The following XKR7 variants were observed in gnomAD, a reference collection of about 807,000 sequenced individuals.
The protein encoded by XKR7 is XK related 7, also known as XK-related protein 7.
In XKR7, 11 loss-of-function variants were observed where a neutral mutation model predicts 42.2. That is an observed-to-expected ratio of 0.26 (90% CI 0.16 to 0.43). XKR7 has a LOEUF of 0.43. Among genes scored for constraint, XKR7 ranks in the 20% least tolerant of loss-of-function variants. XKR7 has a pLI of 1.00. For synonymous variants in XKR7, 346 were observed against 366.4 expected, an observed-to-expected ratio of 0.94 and a Z score of 0.64; for missense variants, 710 against 802.2, an observed-to-expected ratio of 0.89 and a Z score of 1.39.
chr20:31,987,359 CACAG>C (rs2064547224), intron 1 of XKR7, among the ~76,000 whole-genome samples: 2 of 149,608 alleles, frequency 1.3e-5, no homozygotes, highest in African/African-American at 2.5e-5. Flanking sequence ...GCATCCAAGA[CACAG>C]ACAGACAGAC....
rs774187036 is a variant in XKR7 at position 31,997,407 on chromosome 20, C to G, written c.1690C>G (p.Arg564Gly). 5.6e-6 allele frequency: 9 copies of G among 1,599,318 alleles called. No individual in the cohort carries two copies. The highest frequency in any genetic ancestry group is 3.3e-5 in the Admixed American group (2 of 59,996). The change falls in exon 3 of 3, where the codon CGG becomes GGG. Residue 564 changes from arginine (R) to glycine (G), a missense_variant. Arg to Gly is a moderately radical substitution (Grantham distance 125). Coordinates refer to ENST00000562532, the MANE Select transcript of XKR7 (RefSeq NM_001011718.2). ...SSPATPRLQY[R>G]SVGTSQELLE... ...ACCTGCCACGCCCCGGTTGCAGTAC[C>G]GGAGTGTGGGGACTTCCCAGGAGCT...
chr20:31,994,719 A>G (rs1256651717), intron 1 of XKR7, among the ~76,000 whole-genome samples: 1 of 152,134 alleles, frequency 6.6e-6, no homozygotes, highest in African/African-American at 2.4e-5. Flanking sequence ...AATAAAACAA[A>G]GTAAGGGTCG....
At chr20:31,983,121 A>G (rs1230019460) in intron 1 of XKR7, among the ~76,000 whole-genome samples, 1 of 152,194 alleles carries the variant, frequency 6.6e-6, no homozygotes, top group Non-Finnish European at 1.5e-5. Flanking sequence ...AGAAGTTTAC[A>G]AAGCAGAGTT....
chr20:31,968,529 G>A lies in XKR7; in HGVS notation c.354G>A (p.Glu118=). The change falls in exon 1 of 3, where the codon GAG becomes GAA. Residue 118 remains glutamate (E), a synonymous_variant. Coordinates refer to ENST00000562532, the MANE Select transcript of XKR7 (RefSeq NM_001011718.2). The surrounding 1 kb of genome is among the most constrained non-coding windows in gnomAD (Gnocchi z 4.5). The part of the protein sequence containing the change: ...SFRWFVYDYS[E]PAGSPGPAVS... ...GCTGGTTCGTCTACGACTACTCGGA[G>A]CCCGCAGGGTCCCCGGGACCCGCCG... 6.2e-7 allele frequency: 1 copy of A among 1,609,066 alleles called. No individual in the cohort carries two copies. Among genetic ancestry groups the A allele is most frequent in the Non-Finnish European group, 8.5e-7 (1 of 1,177,946 alleles).
At chr20:31,987,668 C>G (rs2122270549) in intron 1 of XKR7, among the ~76,000 whole-genome samples, 1 of 152,318 alleles carries the variant, frequency 6.6e-6, no homozygotes, top group African/African-American at 2.4e-5. Flanking sequence ...ATCCAGCATT[C>G]AAGACACAGA....
chr20:31,997,212 C>T lies in XKR7; in HGVS notation c.1495C>T (p.Pro499Ser). 1 of 1,610,850 alleles carries T rather than the reference C, an allele frequency of 6.2e-7. No individual in the cohort carries two copies. Among genetic ancestry groups the T allele is most frequent in the East Asian group, 2.2e-5 (1 of 44,862 alleles). Residue 499 changes from proline (P) to serine (S), a missense_variant, in exon 3 of 3, where the codon CCT becomes TCT. By Grantham distance (74) the Pro-to-Ser change is moderately conservative (BLOSUM62 -1). This residue lies in a region of XKR7 where 708 missense variants were observed against 786.2 expected (regional missense o/e 0.90). Transcript: ENST00000562532. ...AGAGCGTGCAGGGACCCCCACCCCA[C>T]CTGTCTTCCAGGTGCGGCCTGGCTT... ...AGERAGTPTP[P>S]VFQVRPGLPP...
At chr20:31,993,810 T>A (rs1163973017) in intron 1 of XKR7, among the ~76,000 whole-genome samples, 1 of 151,902 alleles carries the variant, frequency 6.6e-6, no homozygotes, top group Admixed American at 6.6e-5. Context: ...TTACCCTAGG[T>A]GGAAGGTGGT....
At chr20:31,993,247 G>T (rs560111884) in intron 1 of XKR7, among the ~76,000 whole-genome samples, 1 of 152,146 alleles carries the variant, frequency 6.6e-6, no homozygotes, top group Non-Finnish European at 1.5e-5. Flanking sequence ...AGTAGGGGGC[G>T]CTGGGAAGGT....
At chr20:31,980,907 T>TA (rs1240655224) in intron 1 of XKR7, among the ~76,000 whole-genome samples, 5 of 151,302 alleles carry the variant, frequency 3.3e-5, no homozygotes, top group Admixed American at 6.6e-5. Context: ...ACTAAAAATT[T>TA]AAAAAAATAT....
chr20:31,984,400 G>T (rs934148496), intron 1 of XKR7, among the ~76,000 whole-genome samples: 1 of 152,206 alleles, frequency 6.6e-6, no homozygotes, highest in Non-Finnish European at 1.5e-5. Flanking sequence ...GAATGAGGTG[G>T]CTTGGACCAG....
At chr20:31,979,868 G>T (rs2064503322) in intron 1 of XKR7, among the ~76,000 whole-genome samples, 1 of 152,102 alleles carries the variant, frequency 6.6e-6, no homozygotes, top group Non-Finnish European at 1.5e-5. Flanking sequence ...CTGGGTTTTA[G>T]TCTCTTCTCT....
In XKR7 at chr20:31,999,043, CACACACACACT is replaced by C. The variant is rs778543411; in HGVS notation, c.*1587_*1597del. The C allele has an allele frequency of 1.4e-5, 2 of 143,978 alleles. No individual in the cohort carries two copies. Among genetic ancestry groups the C allele is most frequent in the African/African-American group, 5.0e-5 (2 of 39,920 alleles). 8.9% of individuals were successfully genotyped at this position (143,978 alleles called of 1,614,324 possible). A position where few individuals can be genotyped will look rare whatever the true frequency, so the allele number is the denominator to read the frequency against. On this transcript the variant is annotated 3_prime_UTR_variant, in exon 3 of 3. Transcript: ENST00000562532. ...GAACCCAACCCACCCCCCACCCCCC[CACACACACACT>C]CCCACAGCAACTTAGGTGTGATTGG...
At chr20:31,979,881 A>C (rs2064503440) in intron 1 of XKR7, among the ~76,000 whole-genome samples, 1 of 152,076 alleles carries the variant, frequency 6.6e-6, no homozygotes, top group South Asian at 2.1e-4. Flanking sequence ...TCTTCTCTGC[A>C]CCCATTTCAC....
At position 31,996,746 on chromosome 20, in the gene XKR7, C is replaced by T. The variant is rs781132561; in HGVS notation, c.1029C>T (p.Val343=). 3.7e-6 allele frequency: 6 copies of T among 1,614,058 alleles called. No individual in the cohort carries two copies. The highest frequency in any genetic ancestry group is 1.7e-5 in the Admixed American group (1 of 60,014). The change falls in exon 3 of 3, where the codon GTC becomes GTT. Residue 343 remains valine, a synonymous_variant. Transcript: ENST00000562532. ...ACTGGTGCGTCATGACCTTCTGGGT[C>T]ATCCAAGGGGAGACGGACTTCTGCA... ...VAHWCVMTFW[V]IQGETDFCMS...
chr20:31,968,814 G>C lies in XKR7; in HGVS notation c.584+55G>C, dbSNP rs2064450150. 1.4e-6 allele frequency: 2 copies of C among 1,446,680 alleles called. No individual in the cohort carries two copies. The highest frequency in any genetic ancestry group is 1.8e-6 in the Non-Finnish European group (2 of 1,105,180). The allele number at this position is 1,446,680 out of a possible 1,614,324, so 89.6% of individuals were successfully genotyped here. A position where few individuals can be genotyped will look rare whatever the true frequency, so the allele number is the denominator to read the frequency against. On this transcript the variant is annotated intron_variant, in intron 1 of 2. Transcript: ENST00000562532. This position sits in a 1 kb window ranked among gnomAD's most constrained non-coding sequence, Gnocchi z 4.5. ...GCCCGAGGAGTGGGGGTGGCGAAGG[G>C]CTACCTGACGTCCCAGCCCTGATCT...
chr20:31,991,563 G>A (rs1377485896), intron 1 of XKR7, among the ~76,000 whole-genome samples: 5 of 152,172 alleles, frequency 3.3e-5, no homozygotes, highest in Admixed American at 2.0e-4. Context: ...ACTGAGCCAA[G>A]CTCATCACCC....
chr20:31,982,841 C>T (rs907221850), intron 1 of XKR7, among the ~76,000 whole-genome samples: 2 of 152,224 alleles, frequency 1.3e-5, no homozygotes, highest in African/African-American at 4.8e-5. Context: ...AGAAACCAAA[C>T]TTCCTTCTTA....
At chr20:31,977,422 A>G (rs2064490451) in intron 1 of XKR7, among the ~76,000 whole-genome samples, 1 of 152,128 alleles carries the variant, frequency 6.6e-6, no homozygotes, top group Admixed American at 6.6e-5. Flanking sequence ...GAGCCATGAC[A>G]TCCTAGTTGC....
Position 32,000,587 on chromosome 20 carries a change from G to A in XKR7, c.*3130G>A, listed in dbSNP as rs1409920942. 1 of 152,392 alleles carries A rather than the reference G, an allele frequency of 6.6e-6. No homozygotes were observed. The highest frequency in any genetic ancestry group is 1.5e-5 in the Non-Finnish European group (1 of 68,186). The allele number at this position is 152,392 out of a possible 1,614,324, so 9.4% of individuals were successfully genotyped here. A position where few individuals can be genotyped will look rare whatever the true frequency, so the allele number is the denominator to read the frequency against. On this transcript the variant is annotated 3_prime_UTR_variant, in exon 3 of 3. Coordinates refer to ENST00000562532, the MANE Select transcript of XKR7 (RefSeq NM_001011718.2). ...CTGGGGATGAGAGGTAGTTGGGTGT[G>A]TCTTAATTTTGCCAGGAACAGAAGA...
Sources: gnomAD v4.1 joint callset for allele counts (sites outside exome capture counted in the v4.1 genomes callset) on GRCh38, gnomAD v4.1.1 for gene constraint, gnomAD v4.1.1 regional missense constraint, Gnocchi (gnomAD v3.1) non-coding constraint, MANE v1.5 for transcripts, NCBI Gene and HGNC (gene_info 2026-07-23, HGNC 2026-07-21) for gene names.